Variants in FBXL17 observed in about 807,000 individuals in gnomAD.
The protein encoded by FBXL17 is F-box/LRR-repeat protein 17.
FBXL17 carries 22 observed loss-of-function variants against 66.2 expected under a neutral mutation model. That is an observed-to-expected ratio of 0.33 (90% CI 0.24 to 0.47). FBXL17 has a LOEUF of 0.47. FBXL17 is among the 20% of genes least tolerant of loss of function. The pLI is 1.00. For missense variants in FBXL17, 878 were observed against 948.2 expected (o/e 0.93, Z 0.97); for synonymous variants, 474 against 400.5 (o/e 1.18, Z -2.19).
intron 7 of FBXL17, among the ~76,000 whole-genome samples, chr5:107,982,161 C>T: frequency 6.6e-6 from 1 of 152,066 alleles, no homozygotes; most frequent in East Asian, 1.9e-4. Flanking sequence ...TTTGAATATA[C>T]AGTACTCTCC....
At chr5:107,920,336 C>A (rs1561321221) in intron 7 of FBXL17, among the ~76,000 whole-genome samples, 1 of 152,186 alleles carries the variant, frequency 6.6e-6, no homozygotes, top group Non-Finnish European at 1.5e-5. Flanking sequence ...TCCTGAGTAG[C>A]AGAGATTAAA....
chr5:108,096,890 T>C (rs150009434), intron 6 of FBXL17, among the ~76,000 whole-genome samples: 96 of 152,310 alleles, frequency 6.3e-4, no homozygotes, highest in South Asian at 1.9e-3. Flanking sequence ...AAGTCCCCTA[T>C]GGTGTGTTGA....
In FBXL17 at chr5:108,381,557, C is replaced by T; in HGVS notation, c.135G>A (p.Pro45=). 7.0e-7 allele frequency: 1 copy of T among 1,432,510 alleles called. No individual in the cohort carries two copies. The highest frequency in any genetic ancestry group is 9.1e-7 in the Non-Finnish European group (1 of 1,101,596). The allele number at this position is 1,432,510 out of a possible 1,614,324, so 88.7% of individuals were successfully genotyped here. ...RRTPAKVPPQ[P]AAPRSRDCFF... is the part of the protein sequence containing the mutation. ...AGCAGTCCCGGCTCCGGGGCGCCGC[C>T]GGCTGAGGGGGCACCTTGGCTGGGG... The change falls in exon 1 of 9, where the codon CCG becomes CCA. Residue 45 remains proline, a synonymous_variant. Coordinates refer to ENST00000542267, the MANE Select transcript of FBXL17 (RefSeq NM_001163315.3).
chr5:107,939,946 T>C (rs1751038942), intron 7 of FBXL17, among the ~76,000 whole-genome samples: 1 of 152,084 alleles, frequency 6.6e-6, no homozygotes, highest in Admixed American at 6.6e-5. Context: ...TACAGTTCCA[T>C]CCAGATGAAA....
rs367710674 is a variant in FBXL17 at position 107,861,897 on chromosome 5, C to T, written c.1966-37G>A. The T allele has an allele frequency of 4.8e-6, 7 of 1,443,956 alleles. 1 individual carries two copies. Among genetic ancestry groups the T allele is most frequent in the African/African-American group, 4.3e-5 (3 of 69,856 alleles). 89.4% of individuals were successfully genotyped at this position (1,443,956 alleles called of 1,614,324 possible). On this transcript the variant is annotated intron_variant, in intron 8 of 8. Transcript: ENST00000542267. ...GAAGAGTCACCATCACGCACAGAGACCACCAACACCACGCCGCTGCCCACG... is the reference window on the plus strand; with the variant it reads ...GAAGAGTCACCATCACGCACAGAGATCACCAACACCACGCCGCTGCCCACG...
At chr5:108,022,145 A>C (rs1186357724) in intron 6 of FBXL17, among the ~76,000 whole-genome samples, 1 of 151,880 alleles carries the variant, frequency 6.6e-6, no homozygotes, top group East Asian at 1.9e-4. Flanking sequence ...TAATGGAATG[A>C]TAAACATTTC....
At position 107,876,022 on chromosome 5, in the gene FBXL17, T is replaced by C. The variant is rs184343875; in HGVS notation, c.1965+5015A>G. 7.2e-5 allele frequency among the ~76,000 whole-genome samples: 11 copies of C among 152,358 alleles called. No individual in the cohort carries two copies. The East Asian group carries it at 1.9e-3, about 27-fold the overall frequency. ...AAGAAATTCCAAGAGGCTTTGGTCA[T>C]AGGACATTAGGGTGGACCTTTCACA... On this transcript the variant is annotated intron_variant, in intron 8 of 8. Transcript: ENST00000542267.
At position 108,054,482 on chromosome 5, in the gene FBXL17, G is replaced by A. The variant is rs1747608484; in HGVS notation, c.1746-33481C>T. Among the ~76,000 whole-genome samples the A allele has an allele frequency of 2.0e-5, 3 of 152,176 alleles. No individual in the cohort carries two copies. The South Asian group carries it at 6.2e-4, about 32-fold the overall frequency. On this transcript the variant is annotated intron_variant, in intron 6 of 8. Transcript: ENST00000542267. ...CAGCTCTGCATGTGGGGTATGTATG[G>A]CAGATAGTTGCTAGCTGGCAGAAGT...
chr5:108,086,107 T>C (rs1748960415), intron 6 of FBXL17, among the ~76,000 whole-genome samples: 1 of 152,170 alleles, frequency 6.6e-6, no homozygotes, highest in Non-Finnish European at 1.5e-5. Context: ...TCCCAGACCG[T>C]AAAAACCTAG....
chr5:108,126,656 T>TATAC lies in FBXL17; in HGVS notation c.1745+59460_1745+59461insGTAT, dbSNP rs1187624529. ...GTCTCTCTCTCTCTCTCTCTCTATATATATATACATATATATATATATATA... is the reference window on the plus strand; with the variant it reads ...GTCTCTCTCTCTCTCTCTCTCTATATATACATATATACATATATATATATATATA... On this transcript the variant is annotated intron_variant, in intron 6 of 8. Transcript: ENST00000542267. 7.7e-4 allele frequency among the ~76,000 whole-genome samples: 95 copies of TATAC among 124,090 alleles called. 1 individual carries two copies. Among genetic ancestry groups the TATAC allele is most frequent in the African/African-American group, 2.7e-3 (89 of 32,696 alleles). The allele number at this position is 124,090 out of a possible 152,430, so 81.4% of individuals were successfully genotyped here.
intron 6 of FBXL17, among the ~76,000 whole-genome samples, chr5:108,124,023 A>C (rs1433859738): frequency 1.8e-4 from 28 of 152,142 alleles, no homozygotes. Flanking sequence ...CAGTTTATTT[A>C]GGGTAAAGGA....
At chr5:108,285,236 C>A (rs959689232) in intron 4 of FBXL17, among the ~76,000 whole-genome samples, 1 of 151,846 alleles carries the variant, frequency 6.6e-6, no homozygotes, top group Admixed American at 6.6e-5. Context: ...CACTGAAGTA[C>A]TGAACCCCTC....
At chr5:107,911,300 T>C (rs1749941453) in intron 7 of FBXL17, among the ~76,000 whole-genome samples, 1 of 152,078 alleles carries the variant, frequency 6.6e-6, no homozygotes, top group Non-Finnish European at 1.5e-5. Context: ...ATAAATGATG[T>C]AGAGAAAATT....
chr5:108,213,757 C>G (rs571060292), intron 5 of FBXL17, among the ~76,000 whole-genome samples: 3 of 152,272 alleles, frequency 2.0e-5, no homozygotes, highest in African/African-American at 7.2e-5. Flanking sequence ...CAATCTATGG[C>G]AAGTGTTTTT....
intron 7 of FBXL17, among the ~76,000 whole-genome samples, chr5:108,004,199 C>A (rs1370185544): frequency 6.6e-6 from 1 of 151,980 alleles, no homozygotes; most frequent in Non-Finnish European, 1.5e-5. Flanking sequence ...AAATTGTATA[C>A]CCAATTAAAT....
intron 4 of FBXL17, among the ~76,000 whole-genome samples, chr5:108,345,975 C>T (rs1393079857): frequency 6.6e-6 from 1 of 152,042 alleles, no homozygotes; most frequent in Non-Finnish European, 1.5e-5. Context: ...TTTGTCAAAG[C>T]ATAGTTGAAA....
chr5:108,379,740 G>A (rs1175012286), intron 1 of FBXL17, among the ~76,000 whole-genome samples: 1 of 151,924 alleles, frequency 6.6e-6, no homozygotes. Context: ...AGAAAAGGAG[G>A]GAAAAAGTTA....
At chr5:108,019,497 T>G (rs1754505233) in intron 7 of FBXL17, among the ~76,000 whole-genome samples, 1 of 152,238 alleles carries the variant, frequency 6.6e-6, no homozygotes. Flanking sequence ...AACTCCTGGC[T>G]ATTAGCTACC....
chr5:107,917,572 C>A (rs1470172728), intron 7 of FBXL17, among the ~76,000 whole-genome samples: 1 of 152,148 alleles, frequency 6.6e-6, no homozygotes, highest in East Asian at 1.9e-4. Flanking sequence ...CTCATTGACA[C>A]TAAATGACAT....
Sources: allele counts gnomAD v4.1 joint callset (sites outside exome capture counted in the v4.1 genomes callset), GRCh38; gene constraint gnomAD v4.1.1; transcripts MANE v1.5; gene names NCBI Gene and HGNC (gene_info 2026-07-23, HGNC 2026-07-21).